The following TRAF3IP2 variants were observed in gnomAD, a reference collection of about 807,000 sequenced individuals.
TRAF3IP2 encodes E3 ubiquitin ligase TRAF3IP2.
Under a neutral mutation model 57.9 loss-of-function variants are expected in TRAF3IP2, and 35 were observed. The observed-to-expected ratio is 0.60, with a 90% confidence interval of 0.46 to 0.80. The LOEUF (loss-of-function observed/expected upper bound fraction) is 0.80, where lower values mean the gene tolerates loss of function less well. Ranked by LOEUF, TRAF3IP2 falls within the 30% of genes least tolerant of loss-of-function variation. TRAF3IP2 has a pLI of 0.00. For missense variants in TRAF3IP2, 556 were observed against 706.4 expected (o/e 0.79, Z 2.41); for synonymous variants, 251 against 268.9 (o/e 0.93, Z 0.65).
chr6:111,588,005 T>A (rs6912446), intron 2 of TRAF3IP2, among the ~76,000 whole-genome samples: 64,474 of 152,080 alleles, frequency 0.42, 14,200 homozygotes, highest in Admixed American at 0.52. Context: ...AAAACTGTGA[T>A]AGTGAAATTG....
rs189519069 is a variant in TRAF3IP2 at position 111,588,769 on chromosome 6, T to C, written c.829+2489A>G. 2.0e-3 allele frequency among the ~76,000 whole-genome samples: 299 copies of C among 152,322 alleles called. 3 individuals carry two copies. The Middle Eastern group carries it at 0.024, about 12-fold the overall frequency. On this transcript the variant is annotated intron_variant, in intron 2 of 8. Coordinates refer to ENST00000368761, the MANE Select transcript of TRAF3IP2 (RefSeq NM_147686.4). ...CTTATTGGATCAGAAAACTGGAAAC[T>C]ATTTTAAATGTCCAACAATAAAGAA...
At chr6:111,599,474 TGTGACAATGCTCCCTTGGTGTCCCA>T (rs1469629379) in intron 1 of TRAF3IP2, among the ~76,000 whole-genome samples, 1 of 152,220 alleles carries the variant, frequency 6.6e-6, no homozygotes, top group Non-Finnish European at 1.5e-5. Flanking sequence ...TTGCTGTCCA[TGTGACAATGCTCCCTTGGTGTCCCA>T]GTGACAGATT....
At chr6:111,596,013 C>T (rs1796679980) in intron 1 of TRAF3IP2, among the ~76,000 whole-genome samples, 1 of 152,096 alleles carries the variant, frequency 6.6e-6, no homozygotes, top group Non-Finnish European at 1.5e-5. Flanking sequence ...CTTCATGGAA[C>T]ACCCTTCCCC....
rs549699767 is a variant in TRAF3IP2, at chr6:111,556,687, C to G, written c.*2718G>C. 19 of 152,298 alleles carry G rather than the reference C, an allele frequency of 1.2e-4. No individual in the cohort carries two copies. Among genetic ancestry groups the G allele is most frequent in the African/African-American group, 4.6e-4 (19 of 41,556 alleles). The allele number at this position is 152,298 out of a possible 1,614,324, so 9.4% of individuals were successfully genotyped here. ...GTTATGCTAGTTTTTCTTCTCTTTT[C>G]CTATTTTTTAAAGAACAAAGACATT... is the stretch of plus-strand genomic sequence containing the variant. On this transcript the variant is annotated 3_prime_UTR_variant, in exon 9 of 9. Coordinates refer to ENST00000368761, the MANE Select transcript of TRAF3IP2 (RefSeq NM_147686.4).
Position 111,591,862 on chromosome 6 carries a change from A to C in TRAF3IP2, c.225T>G (p.Pro75=). 1 of 1,614,238 alleles carries C rather than the reference A, an allele frequency of 6.2e-7. No homozygotes were observed. Among genetic ancestry groups the C allele is most frequent in the Non-Finnish European group, 8.5e-7 (1 of 1,180,044 alleles). ...GCAGGCAGGTGACCTGCCGGGATAC[A>C]GGCCGCTGGTGATTTGCAAGTTTCA... The part of the protein sequence containing the change: ...STLKLANHQR[P]VSRQVTCLRT... The change falls in exon 2 of 9, where the codon CCT becomes CCG. Residue 75 remains proline, a synonymous_variant. Coordinates refer to ENST00000368761, the MANE Select transcript of TRAF3IP2 (RefSeq NM_147686.4). This position sits in a 1 kb window ranked among gnomAD's most constrained non-coding sequence, Gnocchi z 4.9.
intron 3 of TRAF3IP2, among the ~76,000 whole-genome samples, chr6:111,578,592 G>A (rs561570279): frequency 2.0e-5 from 3 of 152,244 alleles, no homozygotes; most frequent in East Asian, 1.9e-4. Context: ...TCAGTGAGTC[G>A]AGATCTCGCC....
chr6:111,587,768 G>A (rs1373656871), intron 2 of TRAF3IP2, among the ~76,000 whole-genome samples: 2 of 152,154 alleles, frequency 1.3e-5, no homozygotes, highest in African/African-American at 4.8e-5. Flanking sequence ...TTTGATGTCA[G>A]AATGTGTATT....
At chr6:111,603,403 G>C (rs1796933909) in intron 1 of TRAF3IP2, among the ~76,000 whole-genome samples, 1 of 152,160 alleles carries the variant, frequency 6.6e-6, no homozygotes, top group Non-Finnish European at 1.5e-5. Context: ...CATTTCATTG[G>C]ATCTGAAAGG....
chr6:111,564,858 C>G (rs773776033), intron 7 of TRAF3IP2, among the ~76,000 whole-genome samples: 12 of 152,196 alleles, frequency 7.9e-5, no homozygotes, highest in Non-Finnish European at 1.6e-4. Flanking sequence ...TTCCCACGCA[C>G]CAGCTGTCAG....
At chr6:111,566,376 G>T in intron 7 of TRAF3IP2, 68 bp downstream of exon 7, 2 of 1,254,862 alleles carry the variant, frequency 1.6e-6, no homozygotes, top group Admixed American at 1.8e-5. Context: ...GGGGAAGAAT[G>T]GGACTTCCCT....
At chr6:111,596,243 T>C (rs1284571443) in intron 1 of TRAF3IP2, among the ~76,000 whole-genome samples, 5 of 152,198 alleles carry the variant, frequency 3.3e-5, no homozygotes, top group Non-Finnish European at 5.9e-5. Context: ...TATTTGCTCA[T>C]TGCCTCTCCC....
At position 111,555,920 on chromosome 6, in the gene TRAF3IP2, G is replaced by A. The variant is rs1227879567; in HGVS notation, c.*3485C>T. On this transcript the variant is annotated 3_prime_UTR_variant, in exon 9 of 9. Coordinates refer to ENST00000368761, the MANE Select transcript of TRAF3IP2 (RefSeq NM_147686.4). ...AGATCAAGACCATCCTGGCTAACAC[G>A]GTGAAACCCCGTCTCTACTAAAAAT... Among the ~76,000 whole-genome samples the A allele has an allele frequency of 1.3e-5, 2 of 152,010 alleles. No individual in the cohort carries two copies. The highest frequency in any genetic ancestry group is 2.1e-4 in the South Asian group (1 of 4,818).
intron 1 of TRAF3IP2, among the ~76,000 whole-genome samples, chr6:111,597,064 G>A (rs1239562691): frequency 6.6e-6 from 1 of 152,240 alleles, no homozygotes; most frequent in Non-Finnish European, 1.5e-5. Context: ...GTGACAATGA[G>A]AATGTTGTCA....
intron 2 of TRAF3IP2, among the ~76,000 whole-genome samples, chr6:111,590,899 A>G (rs1350330355): frequency 6.6e-6 from 1 of 152,218 alleles, no homozygotes; most frequent in Admixed American, 6.5e-5. Context: ...GATGACGAGA[A>G]GGAAGAACCC....
Position 111,592,007 on chromosome 6 carries a change from G to T in TRAF3IP2, c.80C>A (p.Ser27Tyr). ...AGGTGGTTCTGATTCCTCTTCCGGG[G>T]AATATTCTGGGATTGGTTTCAGCAA... ...SQLLKPIPEY[S>Y]PEEESEPPAP... The change falls in exon 2 of 9, where the codon TCC (serine) becomes TAC (tyrosine). Residue 27 changes from serine (S) to tyrosine (Y), a missense_variant. Ser to Tyr is a moderately radical substitution (Grantham distance 144, BLOSUM62 -2). Around this residue, in one of 2 missense-constraint regions of TRAF3IP2, gnomAD observed 428 missense variants for 498.7 expected, o/e 0.86. Coordinates refer to ENST00000368761, the MANE Select transcript of TRAF3IP2 (RefSeq NM_147686.4). 1 of 1,614,198 alleles carries T rather than the reference G, an allele frequency of 6.2e-7. No homozygotes were observed. Among genetic ancestry groups the T allele is most frequent in the Non-Finnish European group, 8.5e-7 (1 of 1,180,036 alleles).
intron 1 of TRAF3IP2, chr6:111,601,386 T>C (rs1796858125): frequency 4.0e-6 from 2 of 498,308 alleles, no homozygotes; most frequent in East Asian, 6.1e-5. Context: ...TCAAAATAAA[T>C]TGAAAACTGG....
At position 111,559,422 on chromosome 6, in the gene TRAF3IP2, G is replaced by A. The variant is rs1562415669; in HGVS notation, c.1681C>T (p.Gln561Ter). 6 of 1,613,842 alleles carry A rather than the reference G, an allele frequency of 3.7e-6. No homozygotes were observed. Among genetic ancestry groups the A allele is most frequent in the Non-Finnish European group, 5.1e-6 (6 of 1,179,976 alleles). ...APPRGPLPTLQVVPL is the reference protein window; with the variant it reads ...APPRGPLPTL ...GAACGGTGTCACAAGGGAACCACCT[G>A]AAGGGTGGGCAGAGGCCCCCGTGGA... The change falls in exon 9 of 9, where the codon CAG (glutamine) becomes TAG (stop). Residue 561 changes from glutamine to a stop codon, truncating the protein, a stop_gained. Transcript: ENST00000368761. LOFTEE classifies it high-confidence loss of function.
At chr6:111,575,459 G>T (rs1795950344) in intron 4 of TRAF3IP2, among the ~76,000 whole-genome samples, 184 bp downstream of exon 4, 1 of 152,012 alleles carries the variant, frequency 6.6e-6, no homozygotes, top group African/African-American at 2.4e-5. Flanking sequence ...GTGGTAGTGG[G>T]CACCTGTAGT....
At position 111,556,533 on chromosome 6, in the gene TRAF3IP2, G is replaced by T. The variant is rs1204006539; in HGVS notation, c.*2872C>A. The T allele has an allele frequency of 2.0e-5, 3 of 152,186 alleles. No homozygotes were observed. Among genetic ancestry groups the T allele is most frequent in the African/African-American group, 7.2e-5 (3 of 41,448 alleles). 9.4% of individuals were successfully genotyped at this position (152,186 alleles called of 1,614,324 possible). On this transcript the variant is annotated 3_prime_UTR_variant, in exon 9 of 9. Transcript: ENST00000368761. ...CAGACTAAAAAAGATAATGAAAAAA[G>T]AGAAAGAAGACTTGAAGTTTGTGTT...
Sources: allele counts gnomAD v4.1 joint callset (sites outside exome capture counted in the v4.1 genomes callset), GRCh38; gene constraint gnomAD v4.1.1; regional missense constraint gnomAD v4.1.1; non-coding constraint Gnocchi (gnomAD v3.1); transcripts MANE v1.5; gene names NCBI Gene and HGNC (gene_info 2026-07-23, HGNC 2026-07-21).